Variants in CRHR2 observed in about 807,000 individuals in gnomAD.
The protein encoded by CRHR2 is corticotropin releasing hormone receptor 2.
CRHR2 carries 53 observed loss-of-function variants against 57.9 expected under a neutral mutation model. The observed-to-expected ratio is 0.92, with a 90% CI of 0.73 to 1.15. CRHR2 has a LOEUF of 1.15. CRHR2 is among the 50% of genes most tolerant of loss of function. The pLI, the probability that CRHR2 is intolerant of heterozygous loss-of-function variation, is 0.00. For synonymous variants in CRHR2, 213 were observed against 220.9 expected, an observed-to-expected ratio of 0.96 and a Z score of 0.32; for missense variants, 532 against 542.6, an observed-to-expected ratio of 0.98 and a Z score of 0.19.
chr7:30,697,750 G>A (rs996238294), intron 1 of CRHR2, among the ~76,000 whole-genome samples: 1 of 152,080 alleles, frequency 6.6e-6, no homozygotes, highest in Non-Finnish European at 1.5e-5. Flanking sequence ...TCAGGGTTGG[G>A]GCCCTGGGGC....
At chr7:30,686,515 A>G (rs1249068896), upstream of CRHR2, 6 of 1,508,054 alleles carry the variant, frequency 4.0e-6, no homozygotes, top group Admixed American at 1.3e-4. Flanking sequence ...CTTTGAATCC[A>G]TTCGGATTCT....
Position 30,660,657 on chromosome 7 carries a change from G to A in CRHR2, c.759-12C>T, listed in dbSNP as rs1038680974. On this transcript the variant is annotated splice_polypyrimidine_tract_variant and intron_variant, in intron 7 of 11. Transcript: ENST00000471646. ...TGCCAAACCAGCACCTGTGAAGATG[G>A]GGTGGCTGTAGGGGGCCTCCTGAGC... is the stretch of plus-strand genomic sequence containing the variant. 3.8e-6 allele frequency: 6 copies of A among 1,559,952 alleles called. No individual in the cohort carries two copies. The highest frequency in any genetic ancestry group is 5.2e-6 in the Non-Finnish European group (6 of 1,152,128).
At position 30,655,909 on chromosome 7, in the gene CRHR2, AGGGACCC is replaced by A. The variant is rs770786160; in HGVS notation, c.917+11_917+17del. On this transcript the variant is annotated intron_variant, in intron 9 of 11. Transcript: ENST00000471646. ...TCCTCCTGTCCCCATTGTGGGGTCA[AGGGACCC>A]CCTCACATACCTGTACTGGATTGTC... 3.5e-5 allele frequency: 57 copies of A among 1,611,472 alleles called. No individual in the cohort carries two copies. In the East Asian group the frequency reaches 1.2e-3, roughly 34 times the overall value.
chr7:30,656,876 C>T lies in CRHR2; in HGVS notation c.832-864G>A, dbSNP rs1258905747. On this transcript the variant is annotated intron_variant, in intron 8 of 11. Coordinates refer to ENST00000471646, the MANE Select transcript of CRHR2 (RefSeq NM_001883.5). This position sits in a 1 kb window ranked among gnomAD's most constrained non-coding sequence, Gnocchi z 4.4. ...CACTTGTGCAAGTGTGTTTGCCTCACAGAGCGTGTGCATGTGTGAGCATGG... is the reference window on the plus strand; with the variant it reads ...CACTTGTGCAAGTGTGTTTGCCTCATAGAGCGTGTGCATGTGTGAGCATGG... Among the ~76,000 whole-genome samples the T allele has an allele frequency of 1.3e-5, 2 of 152,186 alleles. No individual in the cohort carries two copies. Among genetic ancestry groups the T allele is most frequent in the Admixed American group, 6.5e-5 (1 of 15,282 alleles).
intron 5 of CRHR2, 100 bp from the exon 6 acceptor site, chr7:30,662,947 G>T: frequency 7.1e-7 from 1 of 1,408,712 alleles, no homozygotes; most frequent in East Asian, 2.5e-5. Flanking sequence ...TCCCCAAAGG[G>T]GGTTCGTGGA....
At chr7:30,676,695 A>G (rs960645240) in intron 2 of CRHR2, among the ~76,000 whole-genome samples, 1 of 152,230 alleles carries the variant, frequency 6.6e-6, no homozygotes, top group African/African-American at 2.4e-5. Context: ...AGCCTTTCTT[A>G]TCACCTCTGA....
intron 8 of CRHR2, among the ~76,000 whole-genome samples, chr7:30,657,844 C>A (rs1370563099): frequency 6.6e-6 from 1 of 152,118 alleles, no homozygotes; most frequent in Admixed American, 6.5e-5. Context: ...ACCCAACAAC[C>A]AATTCATTCA....
intron 2 of CRHR2, among the ~76,000 whole-genome samples, chr7:30,668,611 A>C (rs1784259507): frequency 6.6e-6 from 1 of 152,202 alleles, no homozygotes; most frequent in African/African-American, 2.4e-5. Context: ...TTAAAAACCC[A>C]CTTCCGTTGA....
At chr7:30,681,310 C>G (rs955546251) in intron 2 of CRHR2, among the ~76,000 whole-genome samples, 2 of 152,194 alleles carry the variant, frequency 1.3e-5, no homozygotes, top group Non-Finnish European at 2.9e-5. Flanking sequence ...GCCCACAGCC[C>G]CTGACTCAGC....
At chr7:30,689,217 G>A (rs1310436390) in exon 2 of CRHR2, 1 of 1,550,342 alleles carries the variant, frequency 6.5e-7, no homozygotes, top group African/African-American at 1.4e-5. Flanking sequence ...GGTCATGATG[G>A]TGTGGCAGTA....
chr7:30,696,123 G>A (rs255111), intron 1 of CRHR2, among the ~76,000 whole-genome samples: 90,583 of 152,042 alleles, frequency 0.6, 27,610 homozygotes, highest in Middle Eastern at 0.68. Flanking sequence ...GATAGAGAGT[G>A]GAAGAATGGT....
chr7:30,693,125 G>A (rs939465475), intron 1 of CRHR2, among the ~76,000 whole-genome samples: 1 of 152,200 alleles, frequency 6.6e-6, no homozygotes, highest in African/African-American at 2.4e-5. Context: ...GCAGGACCTT[G>A]CACAAGAGAG....
chr7:30,655,192 A>C, intron 10 of CRHR2, 112 bp from the exon 11 acceptor site: 2 of 1,220,784 alleles, frequency 1.6e-6, no homozygotes, highest in East Asian at 2.5e-5. Flanking sequence ...TGACCCAGGA[A>C]CCCCTGGAGT....
intron 11 of CRHR2, chr7:30,654,656 G>T: frequency 6.5e-7 from 1 of 1,527,622 alleles, no homozygotes; most frequent in Non-Finnish European, 8.8e-7. Context: ...GGTAGCGGGG[G>T]AATGTGCTGG....
intron 11 of CRHR2, 122 bp downstream of exon 11, chr7:30,654,917 G>A (rs1454589293): frequency 6.4e-7 from 1 of 1,553,536 alleles, no homozygotes; most frequent in East Asian, 2.4e-5. Flanking sequence ...AAGGCCGGGT[G>A]GTATCTCAAG....
chr7:30,656,479 G>A lies in CRHR2; in HGVS notation c.832-467C>T, dbSNP rs1003279424. Among the ~76,000 whole-genome samples the A allele has an allele frequency of 5.9e-5, 9 of 152,098 alleles. No homozygotes were observed. Among genetic ancestry groups the A allele is most frequent in the Non-Finnish European group, 1.2e-4 (8 of 67,994 alleles). The stretch of plus-strand genomic sequence containing the variant: ...GAGGACAGCACTGCCATGGTGGGGC[G>A]GACAAGGCCAGATGGAGGGATTAAG... On this transcript the variant is annotated intron_variant, in intron 8 of 11. Coordinates refer to ENST00000471646, the MANE Select transcript of CRHR2 (RefSeq NM_001883.5). This position sits in a 1 kb window ranked among gnomAD's most constrained non-coding sequence, Gnocchi z 4.4.
chr7:30,679,882 C>G (rs1306580409), intron 2 of CRHR2, among the ~76,000 whole-genome samples: 1 of 152,192 alleles, frequency 6.6e-6, no homozygotes, highest in Non-Finnish European at 1.5e-5. Flanking sequence ...CCCACCTAGG[C>G]TGACCTCACA....
Position 30,655,086 on chromosome 7 carries a change from A to G in CRHR2, c.1054-6T>C. ...AAGACAGACACGAAGAAACCCTGGA[A>G]AGGAGGGAAAGGAGGGAGTGGTCAG... On this transcript the variant is annotated splice_region_variant and splice_polypyrimidine_tract_variant and intron_variant, in intron 10 of 11. Coordinates refer to ENST00000471646, the MANE Select transcript of CRHR2 (RefSeq NM_001883.5). 6.2e-7 allele frequency: 1 copy of G among 1,612,662 alleles called. No individual in the cohort carries two copies. The highest frequency in any genetic ancestry group is 8.5e-7 in the Non-Finnish European group (1 of 1,179,236).
intron 5 of CRHR2, among the ~76,000 whole-genome samples, chr7:30,663,836 A>G (rs1784096181): frequency 6.6e-6 from 1 of 152,218 alleles, no homozygotes; most frequent in African/African-American, 2.4e-5. Context: ...AGCCAGCTCA[A>G]GGTCCGGGGA....
Sources: gnomAD v4.1 joint callset for allele counts (sites outside exome capture counted in the v4.1 genomes callset) on GRCh38, gnomAD v4.1.1 for gene constraint, Gnocchi (gnomAD v3.1) non-coding constraint, MANE v1.5 for transcripts, NCBI Gene and HGNC (gene_info 2026-07-23, HGNC 2026-07-21) for gene names.